The following MAGI2 variants were observed in gnomAD, a reference collection of about 807,000 sequenced individuals.
MAGI2 encodes the protein membrane associated guanylate kinase, WW and PDZ domain containing 2, also known as membrane-associated guanylate kinase, WW and PDZ domain-containing protein 2.
MAGI2 carries 35 observed loss-of-function variants against 133.3 expected under a neutral mutation model. The ratio of observed to expected loss-of-function variants is 0.26; its 90% CI spans 0.20 to 0.35. The LOEUF (loss-of-function observed/expected upper bound fraction) is 0.35, where lower values mean the gene tolerates loss of function less well. Ranked by LOEUF, MAGI2 falls within the 10% of genes least tolerant of loss-of-function variation. The probability of loss-of-function intolerance (pLI) is 1.00; values close to 1 mark genes in which losing one functional copy is unlikely to be tolerated. For missense variants in MAGI2, 1,636 were observed against 1,863.4 expected, an observed-to-expected ratio of 0.88 and a Z score of 2.25; for synonymous variants, 729 against 710.6, an observed-to-expected ratio of 1.03 and a Z score of -0.41.
chr7:78,276,768 C>A (rs1057010685), intron 9 of MAGI2, among the ~76,000 whole-genome samples: 1 of 151,824 alleles, frequency 6.6e-6, no homozygotes, highest in South Asian at 2.1e-4. Flanking sequence ...AAAATGTTAA[C>A]CTGGTTATCT....
intron 2 of MAGI2, among the ~76,000 whole-genome samples, chr7:78,904,416 C>T (rs564014461): frequency 3.9e-5 from 6 of 152,224 alleles, no homozygotes; most frequent in African/African-American, 1.4e-4. Context: ...CAAATGTAAA[C>T]TCTGTGTCCT....
intron 5 of MAGI2, chr7:78,490,080 G>T: frequency 2.1e-6 from 1 of 466,524 alleles, no homozygotes; most frequent in Admixed American, 3.7e-5. Context: ...CTAGAATGTT[G>T]CCAAGTTAAC....
intron 4 of MAGI2, among the ~76,000 whole-genome samples, chr7:78,503,965 AG>A (rs1794870583): frequency 6.7e-6 from 1 of 148,890 alleles, no homozygotes; most frequent in Admixed American, 6.7e-5. Flanking sequence ...TCTTCATAGC[AG>A]TGTGAGGATG....
intron 1 of MAGI2, among the ~76,000 whole-genome samples, chr7:79,041,452 C>A (rs1336677985): frequency 1.3e-5 from 2 of 152,000 alleles, no homozygotes; most frequent in Non-Finnish European, 2.9e-5. Context: ...TAACAAGAAT[C>A]AGATAAAATT....
chr7:78,781,843 A>C (rs1826426349), intron 2 of MAGI2, among the ~76,000 whole-genome samples: 1 of 152,208 alleles, frequency 6.6e-6, no homozygotes, highest in African/African-American at 2.4e-5. Flanking sequence ...TCACTGTAAG[A>C]AATTGGGTAT....
In MAGI2 at chr7:78,813,514, G is replaced by A. The variant is rs373642274; in HGVS notation, c.419-186275C>T. Among the ~76,000 whole-genome samples, 160 of 152,148 alleles carry A rather than the reference G, an allele frequency of 1.1e-3. 5 individuals carry two copies. In the South Asian group the frequency reaches 0.031, roughly 29 times the overall value. On this transcript the variant is annotated intron_variant, in intron 2 of 21. Transcript: ENST00000354212. ...AAAACTATCAGCAGGGGCCGGGCGCGATGGCTCACGCCTGTAATCCCAACA... is the reference window on the plus strand; with the variant it reads ...AAAACTATCAGCAGGGGCCGGGCGCAATGGCTCACGCCTGTAATCCCAACA...
At chr7:78,187,775 G>A (rs923516584) in intron 12 of MAGI2, among the ~76,000 whole-genome samples, 6 of 152,110 alleles carry the variant, frequency 3.9e-5, no homozygotes, top group Admixed American at 6.6e-5. Context: ...TGCTACCTTC[G>A]AAACGCTTCC....
intron 1 of MAGI2, among the ~76,000 whole-genome samples, chr7:79,116,860 T>C (rs1428631184): frequency 6.6e-6 from 1 of 152,150 alleles, no homozygotes; most frequent in African/African-American, 2.4e-5. Context: ...TCCACCATGA[T>C]TGTAAGCTTC....
intron 6 of MAGI2, among the ~76,000 whole-genome samples, chr7:78,400,549 T>C (rs1448859721): frequency 1.3e-5 from 2 of 152,194 alleles, no homozygotes. Context: ...TTCACACAAT[T>C]TTTTAATAAA....
chr7:78,501,484 CTTTT>C (rs554529806), intron 5 of MAGI2, 89 bp downstream of exon 5: 65 of 834,706 alleles, frequency 7.8e-5, no homozygotes, highest in Admixed American at 1.9e-4. Context: ...ATGTTTTTTT[CTTTT>C]TTTTTTTTTT....
At chr7:78,280,286 A>C (rs1374628330) in intron 9 of MAGI2, among the ~76,000 whole-genome samples, 1 of 152,094 alleles carries the variant, frequency 6.6e-6, no homozygotes, top group African/African-American at 2.4e-5. Context: ...TTCACAAAGA[A>C]AGACAAATTG....
intron 6 of MAGI2, among the ~76,000 whole-genome samples, chr7:78,379,835 G>A (rs1794759472): frequency 6.6e-6 from 1 of 151,962 alleles, no homozygotes; most frequent in African/African-American, 2.4e-5. Flanking sequence ...CAGAAATAGT[G>A]CAAACAATAA....
intron 1 of MAGI2, among the ~76,000 whole-genome samples, chr7:79,152,223 G>A (rs1415440472): frequency 6.6e-6 from 1 of 152,136 alleles, no homozygotes; most frequent in African/African-American, 2.4e-5. Flanking sequence ...AACATCACTA[G>A]AGAAAGAAAT....
chr7:78,695,441 A>T (rs556398648), intron 2 of MAGI2, among the ~76,000 whole-genome samples: 1 of 152,250 alleles, frequency 6.6e-6, no homozygotes, highest in Admixed American at 6.5e-5. Flanking sequence ...GAGCAAGTGT[A>T]TTCCTCCTTT....
At chr7:78,420,366 A>G (rs1369779894) in intron 6 of MAGI2, among the ~76,000 whole-genome samples, 2 of 152,212 alleles carry the variant, frequency 1.3e-5, no homozygotes, top group Non-Finnish European at 2.9e-5. Flanking sequence ...ATGTAAATTG[A>G]CAAAATGGGA....
chr7:78,562,620 A>G (rs1800526160), intron 3 of MAGI2, among the ~76,000 whole-genome samples: 1 of 152,228 alleles, frequency 6.6e-6, no homozygotes, highest in Admixed American at 6.5e-5. Context: ...GTAAAAAATC[A>G]TACTATATCT....
rs1562713416 is a variant in MAGI2 at position 78,955,775 on chromosome 7, T to TTCTTTCTTTTCTG, written c.418+51314_418+51315insCAGAAAAGAAAGA. Among the ~76,000 whole-genome samples, 9 of 150,266 alleles carry TTCTTTCTTTTCTG rather than the reference T, an allele frequency of 6.0e-5. No individual in the cohort carries two copies. In the East Asian group the frequency reaches 7.9e-4, roughly 13 times the overall value. On this transcript the variant is annotated intron_variant, in intron 2 of 21. Transcript: ENST00000354212. ...TTTCTTTCTTTCTTTCTTTCTTTCT[T>TTCTTTCTTTTCTG]TCTTTCTTTCTTTCATTTCTTTCGT...
At chr7:78,959,597 G>A (rs115877987) in intron 2 of MAGI2, among the ~76,000 whole-genome samples, 3,964 of 152,188 alleles carry the variant, frequency 0.026, 169 homozygotes, top group African/African-American at 0.09. Flanking sequence ...TCATGATGGT[G>A]ACTGTCTGAT....
At chr7:78,839,237 A>G (rs1223517856) in intron 2 of MAGI2, among the ~76,000 whole-genome samples, 1 of 152,108 alleles carries the variant, frequency 6.6e-6, no homozygotes, top group Admixed American at 6.6e-5. Flanking sequence ...CAGAATTTAA[A>G]TGCAAATGAT....
Sources: allele counts gnomAD v4.1 joint callset (sites outside exome capture counted in the v4.1 genomes callset), GRCh38; gene constraint gnomAD v4.1.1; transcripts MANE v1.5; gene names NCBI Gene and HGNC (gene_info 2026-07-23, HGNC 2026-07-21).